The following BTF3L4 variants were observed in gnomAD, a reference collection of about 807,000 sequenced individuals.
The protein encoded by BTF3L4 is transcription factor BTF3 homolog 4.
Under a neutral mutation model 16.8 loss-of-function variants are expected in BTF3L4, and 6 were observed. That is an observed-to-expected ratio of 0.36 (90% CI 0.20 to 0.71). BTF3L4 has a LOEUF of 0.71. Ranked by LOEUF, BTF3L4 falls within the 30% of genes least tolerant of loss-of-function variation. The pLI is 0.58. For synonymous variants in BTF3L4, 39 were observed against 59.8 expected, an observed-to-expected ratio of 0.65 and a Z score of 1.60; for missense variants, 92 against 186.9, an observed-to-expected ratio of 0.49 and a Z score of 2.96.
chr1:52,072,020 G>GT (rs139770010), intron 3 of BTF3L4, among the ~76,000 whole-genome samples: 93,296 of 121,560 alleles, frequency 0.77, 38,533 homozygotes, highest in Non-Finnish European at 0.91. Flanking sequence ...TTTAGCCAGG[G>GT]TTTTTTTTTG....
intron 3 of BTF3L4, among the ~76,000 whole-genome samples, chr1:52,068,872 G>A (rs527543392): frequency 1.3e-5 from 2 of 152,216 alleles, no homozygotes; most frequent in Non-Finnish European, 1.5e-5. Context: ...AGCCTTCCTG[G>A]TAGCACCTGT....
chr1:52,066,403 T>C (rs1004369071), intron 3 of BTF3L4, among the ~76,000 whole-genome samples: 5 of 151,176 alleles, frequency 3.3e-5, no homozygotes, highest in African/African-American at 1.2e-4. Context: ...TGTTTTGCTG[T>C]GTTGGCCAGG....
chr1:52,059,805 AC>A, intron 1 of BTF3L4, 29 bp from the exon 2 acceptor site: 2 of 1,606,938 alleles, frequency 1.2e-6, no homozygotes, highest in Non-Finnish European at 1.7e-6. Context: ...CAAAAGAGTG[AC>A]TTTAACAAAT....
intron 3 of BTF3L4, among the ~76,000 whole-genome samples, chr1:52,081,668 TCA>T (rs1643924197): frequency 6.6e-6 from 1 of 152,348 alleles, no homozygotes; most frequent in African/African-American, 2.4e-5. Context: ...TTAACATAAC[TCA>T]CAGTGCTGTG....
rs1253159366 is a variant in BTF3L4, at chr1:52,073,588, C to T, written c.168+8650C>T. On this transcript the variant is annotated intron_variant, in intron 3 of 5. Transcript: ENST00000313334. ...CTTTTTTTTGGCAGGTGCAATGACTCATGCCTGTAATTCCAACACTTTGAG... is the reference window on the plus strand; with the variant it reads ...CTTTTTTTTGGCAGGTGCAATGACTTATGCCTGTAATTCCAACACTTTGAG... Among the ~76,000 whole-genome samples, 3 of 147,770 alleles carry T rather than the reference C, an allele frequency of 2.0e-5. No individual in the cohort carries two copies. In the South Asian group the frequency reaches 6.4e-4, roughly 32 times the overall value.
rs148858007 is a variant in BTF3L4, at chr1:52,074,275, G to A, written c.169-9065G>A. 6.0e-3 allele frequency among the ~76,000 whole-genome samples: 907 copies of A among 151,848 alleles called. 6 individuals carry two copies. The highest frequency in any genetic ancestry group is 0.021 in the African/African-American group (864 of 41,410). On this transcript the variant is annotated intron_variant, in intron 3 of 5. Transcript: ENST00000313334. The stretch of plus-strand genomic sequence containing the variant: ...TGCAGTGGCACAGTCTTGGCTCACT[G>A]CAACCTCTGCTTCCCAGGTTCAAGC...
chr1:52,070,321 TA>T (rs1686754600), intron 3 of BTF3L4, among the ~76,000 whole-genome samples: 1 of 150,628 alleles, frequency 6.6e-6, no homozygotes, highest in Non-Finnish European at 1.5e-5. Flanking sequence ...GTTCATTTGG[TA>T]TAATAGTTCA....
intron 3 of BTF3L4, among the ~76,000 whole-genome samples, chr1:52,069,944 C>T (rs932001786): frequency 3.3e-5 from 5 of 152,058 alleles, no homozygotes; most frequent in African/African-American, 4.8e-5. Context: ...AGGTTGGGTG[C>T]GGTGGCTCAC....
chr1:52,069,876 AT>A (rs544658332), intron 3 of BTF3L4, among the ~76,000 whole-genome samples: 113 of 151,976 alleles, frequency 7.4e-4, no homozygotes, highest in African/African-American at 2.6e-3. Context: ...AGTATTTGTG[AT>A]TTTTTTTCCC....
At chr1:52,073,057 CAAA>C (rs773761944) in intron 3 of BTF3L4, among the ~76,000 whole-genome samples, 1 of 151,028 alleles carries the variant, frequency 6.6e-6, no homozygotes, top group Non-Finnish European at 1.5e-5. Context: ...GACTCTGTCT[CAAA>C]AAAAGAAAAA....
At chr1:52,073,493 T>TACACACACACACACAC (rs142147737) in intron 3 of BTF3L4, among the ~76,000 whole-genome samples, 15 of 139,270 alleles carry the variant, frequency 1.1e-4, no homozygotes, top group African/African-American at 4.0e-4. Context: ...ATATGCTACA[T>TACACACACACACACAC]ACACACACAC....
intron 2 of BTF3L4, among the ~76,000 whole-genome samples, chr1:52,062,644 G>A (rs1686546485): frequency 6.6e-6 from 1 of 152,142 alleles, no homozygotes; most frequent in Admixed American, 6.5e-5. Context: ...ACTATTAAAG[G>A]ATTTTAAGAA....
intron 3 of BTF3L4, among the ~76,000 whole-genome samples, chr1:52,078,727 A>G (rs922864764): frequency 6.6e-6 from 1 of 152,180 alleles, no homozygotes; most frequent in Non-Finnish European, 1.5e-5. Flanking sequence ...GCTAACTACT[A>G]TACACATCAG....
At chr1:52,062,352 C>G (rs1215826646) in intron 2 of BTF3L4, among the ~76,000 whole-genome samples, 2 of 151,976 alleles carry the variant, frequency 1.3e-5, no homozygotes, top group Non-Finnish European at 2.9e-5. Context: ...CAGGCACGCG[C>G]CACCACGCCT....
At chr1:52,073,689 C>CAAA (rs57529132) in intron 3 of BTF3L4, among the ~76,000 whole-genome samples, 17 of 67,632 alleles carry the variant, frequency 2.5e-4, no homozygotes, top group Non-Finnish European at 3.8e-4. Context: ...GCTGTCTCTA[C>CAAA]AAAAAAAAAA....
chr1:52,058,889 C>T (rs946295462), intron 1 of BTF3L4, among the ~76,000 whole-genome samples: 3 of 152,182 alleles, frequency 2.0e-5, no homozygotes, highest in Non-Finnish European at 4.4e-5. Context: ...CGTGAGCCAC[C>T]GTGCCGGGCC....
At chr1:52,056,796 G>A (rs149713213) in intron 1 of BTF3L4, among the ~76,000 whole-genome samples, 274 of 152,352 alleles carry the variant, frequency 1.8e-3, no homozygotes, top group African/African-American at 6.2e-3. Context: ...CCGCCCTTGA[G>A]TCCAGGGAAC....
chr1:52,056,562 C>T (rs1301685384), intron 1 of BTF3L4, among the ~76,000 whole-genome samples, 183 bp downstream of exon 1: 1 of 152,258 alleles, frequency 6.6e-6, no homozygotes, highest in Non-Finnish European at 1.5e-5. Context: ...GGGGTCGGCA[C>T]CTGTGGGAAG....
At chr1:52,076,458 T>C (rs368484917) in intron 3 of BTF3L4, among the ~76,000 whole-genome samples, 40 of 151,550 alleles carry the variant, frequency 2.6e-4, no homozygotes, top group African/African-American at 9.0e-4. Context: ...GTGACTCTAA[T>C]CCCAGATACT....
Sources: allele counts gnomAD v4.1 joint callset (sites outside exome capture counted in the v4.1 genomes callset), GRCh38; gene constraint gnomAD v4.1.1; transcripts MANE v1.5; gene names NCBI Gene and HGNC (gene_info 2026-07-23, HGNC 2026-07-21).